The following CIMAP1D variants were observed in gnomAD, a reference collection of about 807,000 sequenced individuals.
CIMAP1D encodes the protein protein CIMAP1D.
the CIMAP1D span, among the ~76,000 whole-genome samples, chr19:469,509 G>C: frequency 1.3e-5 from 2 of 152,090 alleles, no homozygotes; most frequent in African/African-American, 4.8e-5. Flanking sequence ...GGCCAATATG[G>C]TGAAACCCTG....
the CIMAP1D span, among the ~76,000 whole-genome samples, chr19:488,292 G>A: frequency 1.3e-4 from 20 of 152,292 alleles, no homozygotes; most frequent in African/African-American, 4.8e-4. Context: ...GGAGGCTGAG[G>A]CGGGCAGATC....
At chr19:465,891 G>A in the CIMAP1D span, among the ~76,000 whole-genome samples, 10 of 138,130 alleles carry the variant, frequency 7.2e-5, no homozygotes, top group Middle Eastern at 4.2e-3. Flanking sequence ...TGGATGGGCG[G>A]GTGGATGGAT....
At chr19:463,676 C>A in the CIMAP1D span, 1 of 981,040 alleles carries the variant, frequency 1.0e-6, no homozygotes, top group South Asian at 1.7e-5. Flanking sequence ...GGGTCACAGC[C>A]CCCAGGGACT....
the CIMAP1D span, chr19:472,297 G>T: frequency 1.6e-6 from 1 of 621,610 alleles, no homozygotes; most frequent in Non-Finnish European, 2.5e-6. Context: ...CGCACTAACT[G>T]GGGGCCTGGA....
At chr19:463,723 C>G in the CIMAP1D span, 2 of 1,404,912 alleles carry the variant, frequency 1.4e-6, no homozygotes, top group Non-Finnish European at 1.9e-6. Context: ...CTGGACAGTT[C>G]AGGAAAGGGG....
At chr19:463,925 G>A in the CIMAP1D span, 1 of 1,611,624 alleles carries the variant, frequency 6.2e-7, no homozygotes, top group African/African-American at 1.3e-5. Flanking sequence ...GTTTCGAGTG[G>A]CGGATGCCCA....
chr19:488,536 T>G, the CIMAP1D span, among the ~76,000 whole-genome samples: 2 of 152,122 alleles, frequency 1.3e-5, no homozygotes, highest in Non-Finnish European at 2.9e-5. Flanking sequence ...AAATAACAAG[T>G]AAATCAGTGT....
chr19:489,738 G>C, the CIMAP1D span: 119 of 322,408 alleles, frequency 3.7e-4, no homozygotes, highest in Non-Finnish European at 6.7e-5. Flanking sequence ...ATTGCGGCCG[G>C]GGGAGAACCA....
At chr19:470,423 G>A in the CIMAP1D span, among the ~76,000 whole-genome samples, 2 of 152,074 alleles carry the variant, frequency 1.3e-5, no homozygotes, top group African/African-American at 4.8e-5. Flanking sequence ...ATGTTAGCCA[G>A]GATGGTCTCG....
At chr19:480,501 G>A in the CIMAP1D span, among the ~76,000 whole-genome samples, 2 of 116,404 alleles carry the variant, frequency 1.7e-5, no homozygotes, top group Non-Finnish European at 3.1e-5. Context: ...TAAGGATGAT[G>A]GAGAAGGATG....
chr19:485,173 G>T, the CIMAP1D span, among the ~76,000 whole-genome samples: 1 of 152,130 alleles, frequency 6.6e-6, no homozygotes. Context: ...TTTATGGAGG[G>T]TCATTGCCGT....
At chr19:486,544 G>A in the CIMAP1D span, among the ~76,000 whole-genome samples, 5 of 151,962 alleles carry the variant, frequency 3.3e-5, no homozygotes, top group South Asian at 2.1e-4. Flanking sequence ...GGGTTCAGGC[G>A]ATTCTCCTGC....
the CIMAP1D span, among the ~76,000 whole-genome samples, chr19:469,841 G>A: frequency 0.21 from 31,777 of 152,000 alleles, 6,440 homozygotes; most frequent in African/African-American, 0.51. Flanking sequence ...CTGAAGCACT[G>A]ACCTTGGCCT....
At chr19:485,953 C>A in the CIMAP1D span, among the ~76,000 whole-genome samples, 51,218 of 152,080 alleles carry the variant, frequency 0.34, 9,237 homozygotes, top group Non-Finnish European at 0.4. Context: ...CTCAGACTCA[C>A]GCGCCCTGCT....
the CIMAP1D span, among the ~76,000 whole-genome samples, chr19:471,466 G>A: frequency 2.6e-5 from 4 of 151,670 alleles, no homozygotes; most frequent in Non-Finnish European, 5.9e-5. Context: ...GTTTTAAGAC[G>A]AGGTCTCACT....
chr19:474,571 G>C, the CIMAP1D span: 2 of 1,434,724 alleles, frequency 1.4e-6, no homozygotes, highest in Non-Finnish European at 1.9e-6. Context: ...CAGAAGTATG[G>C]GGAGTGGAGC....
chr19:481,473 TGG>T, the CIMAP1D span, among the ~76,000 whole-genome samples: 1 of 33,122 alleles, frequency 3.0e-5, no homozygotes. Flanking sequence ...GGAAGGATGA[TGG>T]GGAAGGATGA....
chr19:486,696 C>T, the CIMAP1D span, among the ~76,000 whole-genome samples: 10 of 151,916 alleles, frequency 6.6e-5, no homozygotes, highest in South Asian at 2.1e-4. Context: ...GAGCAGATCA[C>T]GAGATCAGGA....
chr19:477,191 G>A, the CIMAP1D span, among the ~76,000 whole-genome samples: 1 of 152,198 alleles, frequency 6.6e-6, no homozygotes, highest in African/African-American at 2.4e-5. Flanking sequence ...CTAGGCCTAA[G>A]TTTCCACCTA....
Sources: allele counts gnomAD v4.1 joint callset (sites outside exome capture counted in the v4.1 genomes callset), GRCh38; gene constraint gnomAD v4.1.1; transcripts MANE v1.5; gene names NCBI Gene and HGNC (gene_info 2026-07-23, HGNC 2026-07-21).